The following ECEL1 variants were observed in gnomAD, a reference collection of about 807,000 sequenced individuals.
ECEL1 encodes the protein endothelin-converting enzyme-like 1.
Under a neutral mutation model 101.8 loss-of-function variants are expected in ECEL1, and 87 were observed. The observed-to-expected ratio is 0.85, with a 90% confidence interval of 0.72 to 1.02. The LOEUF is 1.02. ECEL1 is among the 50% of genes least tolerant of loss of function. The pLI is 0.00. For missense variants in ECEL1, 1,032 were observed against 1,079.2 expected (o/e 0.96, Z 0.61); for synonymous variants, 487 against 468.7 (o/e 1.04, Z -0.50).
At chr2:232,482,493 G>A (rs1045471915) in intron 11 of ECEL1, 24 bp from the exon 12 acceptor site, 3 of 1,614,068 alleles carry the variant, frequency 1.9e-6, no homozygotes, top group Non-Finnish European at 2.5e-6. Context: ...GTGCTCAGTG[G>A]GAAACCCATC....
chr2:232,483,318 C>G, intron 8 of ECEL1, 98 bp downstream of exon 8: 9 of 1,543,310 alleles, frequency 5.8e-6, no homozygotes, highest in Non-Finnish European at 7.1e-6. Context: ...CTGGTCAACT[C>G]CACGAAGGCC....
Position 232,479,937 on chromosome 2 carries a change from A to G in ECEL1, c.*216T>C. 1.7e-6 allele frequency: 1 copy of G among 588,738 alleles called. No homozygotes were observed. Among genetic ancestry groups the G allele is most frequent in the Non-Finnish European group, 3.0e-6 (1 of 329,818 alleles). The allele number at this position is 588,738 out of a possible 1,614,324, so 36.5% of individuals were successfully genotyped here. A position where few individuals can be genotyped will look rare whatever the true frequency, so the allele number is the denominator to read the frequency against. ...GGCCCCCTTAGAGCAGAATCTGGGG[A>G]CCCCAGTATATTTCCCTCACAGCCC... On this transcript the variant is annotated 3_prime_UTR_variant, in exon 18 of 18. Coordinates refer to ENST00000304546, the MANE Select transcript of ECEL1 (RefSeq NM_004826.4).
At chr2:232,482,497 A>G (rs372966622) in intron 11 of ECEL1, 28 bp from the exon 12 acceptor site, 83 of 1,613,654 alleles carry the variant, frequency 5.1e-5, no homozygotes, top group Non-Finnish European at 6.4e-5. Flanking sequence ...TCAGTGGGAA[A>G]CCCATCCACT....
chr2:232,484,068 C>T lies in ECEL1; in HGVS notation c.1340G>A (p.Arg447His), dbSNP rs760534788. ...GGCGCCAAGCGCCATGCCAAAGTGG[C>T]GATTGGCCTGGCCCAAGCAGACCCG... ...LARVCLGQAN[R>H]HFGMALGALF... Residue 447 changes from arginine (R) to histidine (H), a missense_variant, in exon 7 of 18, where the codon CGC becomes CAC. Arg to His is a conservative substitution (Grantham distance 29). Coordinates refer to ENST00000304546, the MANE Select transcript of ECEL1 (RefSeq NM_004826.4). 6.9e-5 allele frequency: 111 copies of T among 1,612,834 alleles called. No individual in the cohort carries two copies. Among genetic ancestry groups the T allele is most frequent in the Non-Finnish European group, 8.6e-5 (101 of 1,179,220 alleles).
intron 16 of ECEL1, 68 bp downstream of exon 16, chr2:232,480,650 A>G: frequency 6.4e-7 from 1 of 1,569,644 alleles, no homozygotes; most frequent in East Asian, 2.3e-5. Context: ...GCAAGGCAGG[A>G]CTGGGACTGA....
In ECEL1 at chr2:232,486,162, CAGGCGCCGT is replaced by C. The variant is rs1690720302; in HGVS notation, c.483_491del (p.Arg162_Leu164del). The C allele has an allele frequency of 6.3e-7, 1 of 1,576,026 alleles. No homozygotes were observed. The highest frequency in any genetic ancestry group is 8.6e-7 in the Non-Finnish European group (1 of 1,166,614). ...CAGGCCCACCCCCGGGCCGCGCCAG[CAGGCGCCGT>C]AGGCGCTCCTCGTTTTGCTCGCCGA... On this transcript the variant is annotated inframe_deletion, in exon 2 of 18. Transcript: ENST00000304546.
In ECEL1 at chr2:232,485,990, C is replaced by T; in HGVS notation, c.664G>A (p.Val222Ile). The T allele has an allele frequency of 6.2e-7, 1 of 1,605,418 alleles. No homozygotes were observed. The highest frequency in any genetic ancestry group is 8.5e-7 in the Non-Finnish European group (1 of 1,177,448). Residue 222 changes from valine to isoleucine, a missense_variant, in exon 2 of 18, where the codon GTC (valine) becomes ATC (isoleucine). Val to Ile is a conservative substitution (Grantham distance 29, BLOSUM62 3). Transcript: ENST00000304546. ...CGGTTGAGGTCCCATCGCGCCGCGA[C>T]CCCCGGACGCTCCTCCGCGCCGCCC... ...DLGGAEERPGVAARWDLNRLL... is the reference protein window; with the variant it reads ...DLGGAEERPGIAARWDLNRLL...
chr2:232,484,042 G>A lies in ECEL1; in HGVS notation c.1366C>T (p.Leu456Phe). The change falls in exon 7 of 18, where the codon CTC becomes TTC. Residue 456 changes from leucine (L) to phenylalanine (F), a missense_variant. By Grantham distance (22) the Leu-to-Phe change is conservative (BLOSUM62 0). Transcript: ENST00000304546. ...NRHFGMALGA[L>F]FVHEHFSAAS... is the part of the protein sequence containing the mutation. ...GCTGAGAAGTGCTCATGTACAAAGAGGGCGCCAAGCGCCATGCCAAAGTGG... is the reference window on the plus strand; with the variant it reads ...GCTGAGAAGTGCTCATGTACAAAGAAGGCGCCAAGCGCCATGCCAAAGTGG... 1.9e-6 allele frequency: 3 copies of A among 1,611,790 alleles called. No individual in the cohort carries two copies. The highest frequency in any genetic ancestry group is 2.5e-6 in the Non-Finnish European group (3 of 1,178,350).
chr2:232,486,725 G>A lies in ECEL1; in HGVS notation c.-72C>T. The stretch of plus-strand genomic sequence containing the variant: ...GATGCGCGTGGCCGCCGGCCTCCTC[G>A]TGGGCCTCCGCATGGCCCTGGGGCC... On this transcript the variant is annotated 5_prime_UTR_variant, in exon 2 of 18. In the 5' UTR this introduces an upstream ATG that the reference lacks. Coordinates refer to ENST00000304546, the MANE Select transcript of ECEL1 (RefSeq NM_004826.4). 7.3e-6 allele frequency: 10 copies of A among 1,373,006 alleles called. No homozygotes were observed. In the South Asian group the frequency reaches 1.3e-4, roughly 18 times the overall value. The allele number at this position is 1,373,006 out of a possible 1,614,324, so 85.1% of individuals were successfully genotyped here. A position where few individuals can be genotyped will look rare whatever the true frequency, so the allele number is the denominator to read the frequency against.
chr2:232,482,044 C>T (rs1690593718), intron 12 of ECEL1, among the ~76,000 whole-genome samples, 195 bp from the exon 13 acceptor site: 1 of 152,242 alleles, frequency 6.6e-6, no homozygotes, highest in Non-Finnish European at 1.5e-5. Flanking sequence ...ACCTATCCAG[C>T]TTCTTTTAGG....
chr2:232,484,662 G>A (rs573385887), intron 5 of ECEL1, 66 bp from the exon 6 acceptor site: 38 of 1,605,514 alleles, frequency 2.4e-5, no homozygotes, highest in Non-Finnish European at 3.0e-5. Context: ...CAGGGAGGGG[G>A]CAGAGAGAGG....
At position 232,483,126 on chromosome 2, in the gene ECEL1, A is replaced by G. The variant is rs1289873823; in HGVS notation, c.1560T>C (p.Asp520=). The change falls in exon 9 of 18, where the codon GAT becomes GAC. Residue 520 remains aspartate (D), a synonymous_variant. Transcript: ENST00000304546. ...CCACCTCATACTCCTTGTCCACAGC[A>G]TCGGGTTTCAGCAGGAAGTCCGGGT... ...VGYPDFLLKP[D]AVDKEYEFEV... 6.2e-7 allele frequency: 1 copy of G among 1,609,298 alleles called. No homozygotes were observed. The highest frequency in any genetic ancestry group is 8.5e-7 in the Non-Finnish European group (1 of 1,178,324).
In ECEL1 at chr2:232,486,706, C is replaced by T. The variant is rs1006760965; in HGVS notation, c.-53G>A. ...TGGGCCACCTGGGCTACGGGATGCG[C>T]GTGGCCGCCGGCCTCCTCGTGGGCC... On this transcript the variant is annotated 5_prime_UTR_variant, in exon 2 of 18. Transcript: ENST00000304546. The T allele has an allele frequency of 1.2e-5, 17 of 1,407,442 alleles. No individual in the cohort carries two copies. The highest frequency in any genetic ancestry group is 2.7e-4 in the Middle Eastern group (1 of 3,720). 87.2% of individuals were successfully genotyped at this position (1,407,442 alleles called of 1,614,324 possible). A position where few individuals can be genotyped will look rare whatever the true frequency, so the allele number is the denominator to read the frequency against.
Position 232,483,399 on chromosome 2 carries a change from A to G in ECEL1, c.1506+17T>C. 1.3e-6 allele frequency: 2 copies of G among 1,593,712 alleles called. No homozygotes were observed. Among genetic ancestry groups the G allele is most frequent in the Non-Finnish European group, 8.5e-7 (1 of 1,171,402 alleles). Reference sequence around the variant, plus strand: ...AATATATATGGGACCAACCAATGACACTGGGTCCCCCCTCACCTTGGCCCG... The same window carrying G: ...AATATATATGGGACCAACCAATGACGCTGGGTCCCCCCTCACCTTGGCCCG... On this transcript the variant is annotated intron_variant, in intron 8 of 17. Coordinates refer to ENST00000304546, the MANE Select transcript of ECEL1 (RefSeq NM_004826.4).
rs761723743 is a variant in ECEL1, at chr2:232,482,901, G to C, written c.1635C>G (p.Phe545Leu). Residue 545 changes from phenylalanine to leucine, a missense_variant, in exon 10 of 18, where the codon TTC becomes TTG. Physicochemically the swap from Phe to Leu is conservative, Grantham distance 22. Transcript: ENST00000304546. ...TCTTCTTAACTGAGAGCTGGATGCT[G>C]AAGCGGATGCTGTTCAAGATGTTCT... is the stretch of plus-strand genomic sequence containing the variant. ...YFKNILNSIR[F>L]SIQLSVKKIR... 6.2e-7 allele frequency: 1 copy of C among 1,614,202 alleles called. No individual in the cohort carries two copies. The highest frequency in any genetic ancestry group is 8.5e-7 in the Non-Finnish European group (1 of 1,180,048).
chr2:232,485,639 G>A (rs1023274916), intron 2 of ECEL1, among the ~76,000 whole-genome samples: 2 of 152,216 alleles, frequency 1.3e-5, no homozygotes, highest in African/African-American at 4.8e-5. Flanking sequence ...AGAGGGCTGG[G>A]AAATTGCGGC....
In ECEL1 at chr2:232,482,969, G is replaced by A; in HGVS notation, c.1582-15C>T. The A allele has an allele frequency of 6.2e-7, 1 of 1,614,042 alleles. No individual in the cohort carries two copies. Among genetic ancestry groups the A allele is most frequent in the Non-Finnish European group, 8.5e-7 (1 of 1,179,976 alleles). On this transcript the variant is annotated splice_polypyrimidine_tract_variant and intron_variant, in intron 9 of 17. Transcript: ENST00000304546. Reference sequence around the variant, plus strand: ...TGGACCTCAAACTGCAGGAGGCACGGGCGACACTCAGCGGCAGGCCAGGGC... The same window carrying A: ...TGGACCTCAAACTGCAGGAGGCACGAGCGACACTCAGCGGCAGGCCAGGGC...
At position 232,482,816 on chromosome 2, in the gene ECEL1, C is replaced by A. The variant is rs957732664; in HGVS notation, c.1685+35G>T. 11 of 1,610,908 alleles carry A rather than the reference C, an allele frequency of 6.8e-6. No homozygotes were observed. In the African/African-American group the frequency reaches 1.5e-4, roughly 22 times the overall value. On this transcript the variant is annotated intron_variant, in intron 10 of 17. Transcript: ENST00000304546. ...CAGCTCCTGCCCTTTCCCCACAACC[C>A]TTCCCTGACCCCCAGCTCTGGGCCA...
chr2:232,486,562 G>A lies in ECEL1; in HGVS notation c.92C>T (p.Ala31Val), dbSNP rs1166622904. Residue 31 changes from alanine to valine, a missense_variant, in exon 2 of 18, where the codon GCC becomes GTC. Ala to Val is a moderately conservative substitution (Grantham distance 64, BLOSUM62 0). Coordinates refer to ENST00000304546, the MANE Select transcript of ECEL1 (RefSeq NM_004826.4). ...SRCGAGGARG[A>V]SLPPGFPLGA... ...CAACGGGAAGCCCGGGGGCAGGGAGGCCCCGCGCGCGCCCCCCGCGCCGCA... is the reference window on the plus strand; with the variant it reads ...CAACGGGAAGCCCGGGGGCAGGGAGACCCCGCGCGCGCCCCCCGCGCCGCA... The A allele has an allele frequency of 2.2e-6, 3 of 1,372,266 alleles. No individual in the cohort carries two copies. Among genetic ancestry groups the A allele is most frequent in the Admixed American group, 3.3e-5 (1 of 30,624 alleles). The allele number at this position is 1,372,266 out of a possible 1,614,324, so 85.0% of individuals were successfully genotyped here. A position where few individuals can be genotyped will look rare whatever the true frequency, so the allele number is the denominator to read the frequency against.
Sources: gnomAD v4.1 joint callset for allele counts (sites outside exome capture counted in the v4.1 genomes callset) on GRCh38, gnomAD v4.1.1 for gene constraint, MANE v1.5 for transcripts, NCBI Gene and HGNC (gene_info 2026-07-23, HGNC 2026-07-21) for gene names.